PID1: variants seen among roughly 807,000 people sequenced by gnomAD.
PID1 encodes the protein PTB-containing, cubilin and LRP1-interacting protein.
A neutral mutation model predicts 19.1 loss-of-function variants in PID1; 10 were observed. The observed-to-expected ratio is 0.52, with a 90% CI of 0.32 to 0.89. The LOEUF (loss-of-function observed/expected upper bound fraction) is 0.89, where lower values mean the gene tolerates loss of function less well. PID1 is among the 40% of genes least tolerant of loss of function. The probability of loss-of-function intolerance (pLI) is 0.03; values close to 1 mark genes in which losing one functional copy is unlikely to be tolerated. For missense variants in PID1, 248 were observed against 285.3 expected (o/e 0.87, Z 0.94); for synonymous variants, 130 against 116.0 (o/e 1.12, Z -0.78).
Position 229,213,675 on chromosome 2 carries a change from T to C in PID1, c.30+57339A>G, listed in dbSNP as rs895817423. Among the ~76,000 whole-genome samples, 10 of 152,330 alleles carry C rather than the reference T, an allele frequency of 6.6e-5. No individual in the cohort carries two copies. The East Asian group carries it at 1.7e-3, about 26-fold the overall frequency. On this transcript the variant is annotated intron_variant, in intron 1 of 2. Coordinates refer to ENST00000392055, the MANE Select transcript of PID1 (RefSeq NM_001100818.2). ...TCTTTAAGTCATATATCCCTGTGCC[T>C]CTCAAAGGTAAACATTATATCTTCC...
chr2:229,150,245 G>GGA (rs1160601949), intron 2 of PID1, among the ~76,000 whole-genome samples: 1 of 147,434 alleles, frequency 6.8e-6, no homozygotes, highest in African/African-American at 2.5e-5. Flanking sequence ...AAAAAAAAAA[G>GGA]GAGAGAGAGA....
chr2:229,186,446 G>C (rs1691133611), intron 1 of PID1, among the ~76,000 whole-genome samples: 1 of 152,156 alleles, frequency 6.6e-6, no homozygotes, highest in Non-Finnish European at 1.5e-5. Flanking sequence ...TTCTCCATAA[G>C]AGCCCTGCTC....
At chr2:229,126,273 A>T (rs992181432) in intron 2 of PID1, among the ~76,000 whole-genome samples, 2 of 152,166 alleles carry the variant, frequency 1.3e-5, no homozygotes, top group Admixed American at 6.6e-5. Context: ...AGGAATTCTT[A>T]AAAATGCATT....
At position 229,122,953 on chromosome 2, in the gene PID1, C is replaced by T. The variant is rs956682334; in HGVS notation, c.177+32865G>A. On this transcript the variant is annotated intron_variant, in intron 2 of 2. Coordinates refer to ENST00000392055, the MANE Select transcript of PID1 (RefSeq NM_001100818.2). ...AACCCTCCCAGGCGGCATTATGTTT[C>T]GGTACTGGAGCTGAGTGAAATCTAC... is the stretch of plus-strand genomic sequence containing the variant. Among the ~76,000 whole-genome samples, 7 of 152,028 alleles carry T rather than the reference C, an allele frequency of 4.6e-5. No individual in the cohort carries two copies. The South Asian group carries it at 1.0e-3, about 23-fold the overall frequency.
intron 1 of PID1, among the ~76,000 whole-genome samples, chr2:229,209,985 C>A (rs1483061247): frequency 6.6e-6 from 1 of 152,008 alleles, no homozygotes; most frequent in Non-Finnish European, 1.5e-5. Flanking sequence ...AAATCTTCAC[C>A]ATAATCACTT....
intron 1 of PID1, among the ~76,000 whole-genome samples, chr2:229,238,138 G>T (rs1463290103): frequency 6.6e-6 from 1 of 151,922 alleles, no homozygotes; most frequent in East Asian, 1.9e-4. Context: ...TTCCTTGGTG[G>T]TCAAGAAAAT....
chr2:229,065,323 A>T (rs112693278), intron 2 of PID1, among the ~76,000 whole-genome samples: 1,834 of 152,300 alleles, frequency 0.012, 28 homozygotes, highest in African/African-American at 0.037. Context: ...TCTCCAAAGC[A>T]GAGTAGATAT....
At chr2:229,263,956 A>G (rs556895923) in intron 1 of PID1, among the ~76,000 whole-genome samples, 4 of 152,350 alleles carry the variant, frequency 2.6e-5, no homozygotes, top group African/African-American at 9.6e-5. Flanking sequence ...TAAGCCTGCA[A>G]TGAATGGTAG....
At chr2:229,090,593 GCT>G (rs1559228326) in intron 2 of PID1, among the ~76,000 whole-genome samples, 2 of 152,102 alleles carry the variant, frequency 1.3e-5, no homozygotes, top group African/African-American at 4.8e-5. Context: ...TACTCCTCCA[GCT>G]CTCTGAGTAA....
intron 2 of PID1, among the ~76,000 whole-genome samples, chr2:229,116,559 T>C (rs1334615975): frequency 6.6e-6 from 1 of 152,134 alleles, no homozygotes. Flanking sequence ...GCTGTTCTCA[T>C]GGTAGTGAAT....
At chr2:229,168,711 A>T (rs2106207717) in intron 1 of PID1, among the ~76,000 whole-genome samples, 1 of 144,686 alleles carries the variant, frequency 6.9e-6, no homozygotes, top group East Asian at 2.1e-4. Context: ...CTTCACAATA[A>T]TTTTTTTTCC....
chr2:229,144,863 A>G (rs1690093456), intron 2 of PID1, among the ~76,000 whole-genome samples: 1 of 152,056 alleles, frequency 6.6e-6, no homozygotes, highest in Non-Finnish European at 1.5e-5. Flanking sequence ...TGATGTTTTC[A>G]TCTCTGCAAG....
chr2:229,144,347 G>A (rs1690081226), intron 2 of PID1, among the ~76,000 whole-genome samples: 1 of 152,024 alleles, frequency 6.6e-6, no homozygotes, highest in Admixed American at 6.6e-5. Context: ...GAACTCTCAG[G>A]GTGAGATCCC....
chr2:229,170,520 T>C (rs1031350334), intron 1 of PID1, among the ~76,000 whole-genome samples: 2 of 152,194 alleles, frequency 1.3e-5, no homozygotes, highest in African/African-American at 4.8e-5. Context: ...CATTTAAAAA[T>C]GTGTAAAAAC....
At chr2:229,157,843 G>A (rs1690408389) in intron 1 of PID1, among the ~76,000 whole-genome samples, 1 of 152,160 alleles carries the variant, frequency 6.6e-6, no homozygotes, top group African/African-American at 2.4e-5. Context: ...CCTACGTACT[G>A]AAATGATAAC....
chr2:229,025,636 C>G lies in PID1; in HGVS notation c.650G>C (p.Gly217Ala), dbSNP rs375223051. ...GCTGAAGCGTCTCAAGTTCATTCAG[C>G]CATCATCGGATTCCAATTCCTGGGA... ...EVSQELESDDG is the reference protein window; with the variant it reads ...EVSQELESDDA The change falls in exon 3 of 3, where the codon GGC (glycine) becomes GCC (alanine). Residue 217 changes from glycine to alanine, a missense_variant. Gly to Ala is a moderately conservative substitution (Grantham distance 60, BLOSUM62 0). Coordinates refer to ENST00000392055, the MANE Select transcript of PID1 (RefSeq NM_001100818.2). The G allele has an allele frequency of 3.2e-5, 52 of 1,606,406 alleles. No individual in the cohort carries two copies. Among genetic ancestry groups the G allele is most frequent in the Non-Finnish European group, 4.3e-5 (51 of 1,173,602 alleles).
chr2:229,084,368 C>G (rs1694724421), intron 2 of PID1, among the ~76,000 whole-genome samples: 2 of 152,162 alleles, frequency 1.3e-5, no homozygotes, highest in African/African-American at 4.8e-5. Context: ...CATGGGGATA[C>G]TTTAATTGTT....
At chr2:229,168,673 G>C (rs1350504692) in intron 1 of PID1, among the ~76,000 whole-genome samples, 3 of 152,216 alleles carry the variant, frequency 2.0e-5, no homozygotes, top group South Asian at 4.1e-4. Context: ...AGTCTACTCA[G>C]AGTCTGGTTC....
At chr2:229,181,719 C>A (rs1690950515) in intron 1 of PID1, among the ~76,000 whole-genome samples, 2 of 152,142 alleles carry the variant, frequency 1.3e-5, no homozygotes, top group African/African-American at 4.8e-5. Flanking sequence ...CTAGAAATGA[C>A]ATGCTGCTTT....
Sources: allele counts gnomAD v4.1 joint callset (sites outside exome capture counted in the v4.1 genomes callset), GRCh38; gene constraint gnomAD v4.1.1; transcripts MANE v1.5; gene names NCBI Gene and HGNC (gene_info 2026-07-23, HGNC 2026-07-21).